Variants in NEO1 observed in about 807,000 individuals in gnomAD.
NEO1 encodes neogenin.
NEO1 carries 63 observed loss-of-function variants against 159.7 expected under a neutral mutation model. That is an observed-to-expected ratio of 0.39 (90% CI 0.32 to 0.49). NEO1 has a LOEUF of 0.49. Among genes scored for constraint, NEO1 ranks in the 20% least tolerant of loss-of-function variants. The probability of loss-of-function intolerance (pLI) is 0.85; values close to 1 mark genes in which losing one functional copy is unlikely to be tolerated. For missense variants in NEO1, 1,615 were observed against 1,831.0 expected, an observed-to-expected ratio of 0.88 and a Z score of 2.15; for synonymous variants, 633 against 662.0, an observed-to-expected ratio of 0.96 and a Z score of 0.67.
chr15:73,223,251 T>C (rs2038389264), intron 7 of NEO1, among the ~76,000 whole-genome samples: 1 of 152,198 alleles, frequency 6.6e-6, no homozygotes, highest in Non-Finnish European at 1.5e-5. Context: ...AGAATGTGTA[T>C]TCTGTGGTTG....
rs771006748 is a variant in NEO1, at chr15:73,270,069, A to C, written c.2554A>C (p.Thr852Pro). The C allele has an allele frequency of 1.2e-6, 2 of 1,614,022 alleles. No individual in the cohort carries two copies. Among genetic ancestry groups the C allele is most frequent in the Admixed American group, 3.3e-5 (2 of 60,004 alleles). ...NAPYTPVPDPTPMMPPVGVQA... is the reference protein window; with the variant it reads ...NAPYTPVPDPPPMMPPVGVQA... ...TCCATACACTCCAGTGCCAGATCCCACTCCCATGATGCCACCAGTGGGAGT... is the reference window on the plus strand; with the variant it reads ...TCCATACACTCCAGTGCCAGATCCCCCTCCCATGATGCCACCAGTGGGAGT... The change falls in exon 17 of 29, where the codon ACT becomes CCT. Residue 852 changes from threonine (T) to proline (P), a missense_variant. By Grantham distance (38) the Thr-to-Pro change is conservative (BLOSUM62 -1). Coordinates refer to ENST00000261908, the MANE Select transcript of NEO1 (RefSeq NM_002499.4).
At chr15:73,181,440 T>C (rs1025732879) in intron 7 of NEO1, among the ~76,000 whole-genome samples, 1 of 152,136 alleles carries the variant, frequency 6.6e-6, no homozygotes, top group Admixed American at 6.5e-5. Context: ...TATAAAGAAA[T>C]ACGTGAGGCT....
At chr15:73,225,245 T>C (rs2038512068) in intron 7 of NEO1, among the ~76,000 whole-genome samples, 1 of 151,954 alleles carries the variant, frequency 6.6e-6, no homozygotes, top group Non-Finnish European at 1.5e-5. Flanking sequence ...GTTCTTAGCT[T>C]TGGTGGTTTA....
chr15:73,179,580 A>T (rs889143523), intron 7 of NEO1, among the ~76,000 whole-genome samples: 1 of 152,288 alleles, frequency 6.6e-6, no homozygotes, highest in East Asian at 1.9e-4. Context: ...TTTCTTCTGT[A>T]CTGTATCTCC....
At chr15:73,072,037 G>A (rs558051457) in intron 1 of NEO1, among the ~76,000 whole-genome samples, 10 of 151,972 alleles carry the variant, frequency 6.6e-5, no homozygotes, top group East Asian at 1.9e-4. Flanking sequence ...TGCAACCTCC[G>A]CCTCCCAGGT....
At chr15:73,120,391 TAA>T (rs888452752) in intron 2 of NEO1, among the ~76,000 whole-genome samples, 1 of 145,822 alleles carries the variant, frequency 6.9e-6, no homozygotes, top group African/African-American at 2.5e-5. Flanking sequence ...CCCCTTGAAA[TAA>T]AAAAAAAATA....
intron 1 of NEO1, among the ~76,000 whole-genome samples, chr15:73,066,588 T>C (rs1038627414): frequency 6.6e-6 from 1 of 152,194 alleles, no homozygotes; most frequent in Admixed American, 6.5e-5. Context: ...GTGGTTATGC[T>C]GGAGGTACTA....
chr15:73,210,960 G>A (rs1267498766), intron 7 of NEO1, among the ~76,000 whole-genome samples: 1 of 152,238 alleles, frequency 6.6e-6, no homozygotes, highest in East Asian at 1.9e-4. Context: ...TGAATGTATA[G>A]TAATATTACT....
At chr15:73,137,926 A>G (rs2031940123) in intron 5 of NEO1, among the ~76,000 whole-genome samples, 1 of 152,272 alleles carries the variant, frequency 6.6e-6, no homozygotes, top group Non-Finnish European at 1.5e-5. Flanking sequence ...TACGATAGGT[A>G]TAGGTAGAAG....
At chr15:73,110,054 G>A (rs2070889514) in intron 1 of NEO1, among the ~76,000 whole-genome samples, 1 of 152,134 alleles carries the variant, frequency 6.6e-6, no homozygotes, top group Admixed American at 6.6e-5. Flanking sequence ...TGAGATCTTT[G>A]AATGTTAAAT....
chr15:73,278,226 G>A (rs777106037), intron 22 of NEO1, 27 bp downstream of exon 22: 11 of 1,603,258 alleles, frequency 6.9e-6, no homozygotes, highest in African/African-American at 2.7e-5. Context: ...GGCGTTTTTT[G>A]CTTACTATGG....
chr15:73,101,530 C>T (rs1277387299), intron 1 of NEO1, among the ~76,000 whole-genome samples: 1 of 152,206 alleles, frequency 6.6e-6, no homozygotes, highest in Non-Finnish European at 1.5e-5. Flanking sequence ...TCTTCAACTC[C>T]GTGAGACTGC....
Position 73,178,304 on chromosome 15 carries a change from C to T in NEO1, c.1171-3C>T, listed in dbSNP as rs1336344625. 1 of 1,608,506 alleles carries T rather than the reference C, an allele frequency of 6.2e-7. No homozygotes were observed. Among genetic ancestry groups the T allele is most frequent in the Admixed American group, 1.7e-5 (1 of 59,784 alleles). ...TAATTTTATTTATGCTTTTCTTCTT[C>T]AGAAGGAACATAATCTTCAAGTTTT... is the stretch of plus-strand genomic sequence containing the variant. On this transcript the variant is annotated splice_region_variant and splice_polypyrimidine_tract_variant and intron_variant, in intron 6 of 28. Transcript: ENST00000261908.
chr15:73,206,961 A>G (rs1019367925), intron 7 of NEO1, among the ~76,000 whole-genome samples: 10 of 152,040 alleles, frequency 6.6e-5, no homozygotes, highest in Admixed American at 5.2e-4. Flanking sequence ...TCAAGCAACA[A>G]TCCCCCCATC....
intron 14 of NEO1, among the ~76,000 whole-genome samples, chr15:73,259,293 T>C (rs2150983538): frequency 6.6e-6 from 1 of 152,162 alleles, no homozygotes; most frequent in African/African-American, 2.4e-5. Context: ...TGTGTATAGG[T>C]AGCACCTTTA....
At chr15:73,300,525 T>C (rs1691807068) in intron 27 of NEO1, among the ~76,000 whole-genome samples, 1 of 151,592 alleles carries the variant, frequency 6.6e-6, no homozygotes, top group Non-Finnish European at 1.5e-5. Flanking sequence ...AGGTCAGGAG[T>C]TCAAGACCAG....
chr15:73,064,303 A>G lies in NEO1; in HGVS notation c.130+11498A>G, dbSNP rs919813108. Among the ~76,000 whole-genome samples the G allele has an allele frequency of 2.6e-5, 4 of 152,160 alleles. No individual in the cohort carries two copies. In the East Asian group the frequency reaches 7.7e-4, roughly 29 times the overall value. On this transcript the variant is annotated intron_variant, in intron 1 of 28. Transcript: ENST00000261908. ...AGCTGAGCTCAGCTGGTAGAAGTTC[A>G]TATCTCATGTTTTGTGCTCATATGA... is the stretch of plus-strand genomic sequence containing the variant.
chr15:73,069,842 C>G (rs2068449725), intron 1 of NEO1, among the ~76,000 whole-genome samples: 1 of 151,978 alleles, frequency 6.6e-6, no homozygotes. Flanking sequence ...AAAGTAGAGG[C>G]ATTATATATT....
At position 73,270,520 on chromosome 15, in the gene NEO1, G is replaced by C. The variant is rs114198681; in HGVS notation, c.2857+66G>C. 900 of 1,501,662 alleles carry C rather than the reference G, an allele frequency of 6.0e-4. 2 individuals carry two copies. In the African/African-American group the frequency reaches 0.011, roughly 19 times the overall value. 93.0% of individuals were successfully genotyped at this position (1,501,662 alleles called of 1,614,324 possible). A position where few individuals can be genotyped will look rare whatever the true frequency, so the allele number is the denominator to read the frequency against. ...TTCCCAAGGAAAGAATTGAGTGCCT[G>C]AATTGACATATTTACAAAACACAGT... On this transcript the variant is annotated intron_variant, in intron 18 of 28. Transcript: ENST00000261908.
Sources: gnomAD v4.1 joint callset for allele counts (sites outside exome capture counted in the v4.1 genomes callset) on GRCh38, gnomAD v4.1.1 for gene constraint, MANE v1.5 for transcripts, NCBI Gene and HGNC (gene_info 2026-07-23, HGNC 2026-07-21) for gene names.